GART: variants seen among roughly 807,000 people sequenced by gnomAD.
GART encodes the protein phosphoribosylglycinamide formyltransferase, phosphoribosylglycinamide synthetase, phosphoribosylaminoimidazole synthetase.
Under a neutral mutation model 107.2 loss-of-function variants are expected in GART, and 43 were observed. That is an observed-to-expected ratio of 0.40 (90% confidence interval 0.31 to 0.52). The LOEUF (loss-of-function observed/expected upper bound fraction) is 0.52. Ranked by LOEUF, GART falls within the 20% of genes least tolerant of loss-of-function variation. The pLI is 0.52. For synonymous variants in GART, 434 were observed against 427.0 expected (o/e 1.02, Z -0.20); for missense variants, 1,107 against 1,206.5 (o/e 0.92, Z 1.22).
intron 4 of GART, 127 bp from the exon 5 acceptor site, chr21:33,532,583 C>A: frequency 1.4e-6 from 1 of 701,956 alleles, no homozygotes; most frequent in Non-Finnish European, 2.4e-6. Flanking sequence ...AATTAATTAT[C>A]ATTCCAACAC....
At chr21:33,516,324 A>G (rs2084878978) in intron 16 of GART, among the ~76,000 whole-genome samples, 1 of 151,430 alleles carries the variant, frequency 6.6e-6, no homozygotes, top group East Asian at 1.9e-4. Context: ...TGGTTTACCC[A>G]CTACTTTGGA....
intron 10 of GART, among the ~76,000 whole-genome samples, chr21:33,525,271 C>G (rs572943026): frequency 6.6e-6 from 1 of 152,020 alleles, no homozygotes; most frequent in South Asian, 2.1e-4. Flanking sequence ...GCGGCACACA[C>G]CAGCTGAGGT....
intron 16 of GART, among the ~76,000 whole-genome samples, chr21:33,516,649 T>C (rs2084884849): frequency 6.6e-6 from 1 of 152,224 alleles, no homozygotes; most frequent in Non-Finnish European, 1.5e-5. Flanking sequence ...TAGGTCCTTT[T>C]ATCTCGAATA....
intron 12 of GART, among the ~76,000 whole-genome samples, chr21:33,521,855 A>C (rs1166736434): frequency 6.7e-6 from 1 of 150,092 alleles, no homozygotes; most frequent in Non-Finnish European, 1.5e-5. Flanking sequence ...ATTACTTGGG[A>C]GACTGAGGCA....
At chr21:33,509,950 A>C in intron 17 of GART, 30 bp from the exon 18 acceptor site, 1 of 1,587,144 alleles carries the variant, frequency 6.3e-7, no homozygotes, top group Non-Finnish European at 8.6e-7. Context: ...ATAAATAAGT[A>C]AAGAACAATT....
chr21:33,527,249 T>C (rs950248794), intron 10 of GART, among the ~76,000 whole-genome samples: 5 of 152,180 alleles, frequency 3.3e-5, no homozygotes, highest in African/African-American at 1.2e-4. Context: ...CTGGGCATGG[T>C]GGCTCAGACC....
chr21:33,542,815 A>C (rs181914436), upstream of GART: 3 of 528,564 alleles, frequency 5.7e-6, no homozygotes, highest in Non-Finnish European at 1.0e-5. Flanking sequence ...CTCAAGAGAG[A>C]CGGCTCCTGT....
Position 33,520,499 on chromosome 21 carries a change from C to T in GART, c.1567G>A (p.Asp523Asn). ...GQDLVAMCVN[D>N]ILAQGAEPLF... ...GGCTCTGCTCCTTGTGCCAGAATAT[C>T]ATTAACACACATTGCTACCAAATCT... is the stretch of plus-strand genomic sequence containing the variant. The change falls in exon 14 of 22, where the codon GAT becomes AAT. Residue 523 changes from aspartate (D) to asparagine (N), a missense_variant. Physicochemically the swap from Asp to Asn is conservative, Grantham distance 23. Transcript: ENST00000381815. 6.2e-7 allele frequency: 1 copy of T among 1,614,152 alleles called. No homozygotes were observed. Among genetic ancestry groups the T allele is most frequent in the Non-Finnish European group, 8.5e-7 (1 of 1,180,018 alleles).
Position 33,540,440 on chromosome 21 carries a change from G to C in GART, c.-41-1084C>G, listed in dbSNP as rs543602661. On this transcript the variant is annotated intron_variant, in intron 1 of 21. Coordinates refer to ENST00000381815, the MANE Select transcript of GART (RefSeq NM_000819.5). ...TTCATATTTGGTGAGCTGTACAAAA[G>C]CAGGCAGCAGAAGGATTTGGTATGT... is the stretch of plus-strand genomic sequence containing the variant. 2.0e-5 allele frequency among the ~76,000 whole-genome samples: 3 copies of C among 152,316 alleles called. No individual in the cohort carries two copies. In the South Asian group the frequency reaches 6.2e-4, roughly 32 times the overall value.
intron 7 of GART, 103 bp downstream of exon 7, chr21:33,530,656 G>T: frequency 8.6e-7 from 1 of 1,159,390 alleles, no homozygotes; most frequent in South Asian, 3.3e-5. Context: ...ATAATTCATA[G>T]CAACAAACAA....
At position 33,511,398 on chromosome 21, in the gene GART, G is replaced by C. The variant is rs2084783128; in HGVS notation, c.2168C>G (p.Ser723Cys). The stretch of plus-strand genomic sequence containing the variant: ...AAATGTTCTGGCCATCTCTTCCTCA[G>C]AGAGGTGTCCTTCCTGCTGCAACCA... ...FSWLQQEGHL[S>C]EEEMARTFNC... The change falls in exon 17 of 22, where the codon TCT becomes TGT. Residue 723 changes from serine to cysteine, a missense_variant. Coordinates refer to ENST00000381815, the MANE Select transcript of GART (RefSeq NM_000819.5). 6.2e-7 allele frequency: 1 copy of C among 1,614,002 alleles called. No individual in the cohort carries two copies. The highest frequency in any genetic ancestry group is 1.7e-5 in the Admixed American group (1 of 59,990).
intron 11 of GART, 80 bp from the exon 12 acceptor site, chr21:33,522,362 T>G: frequency 8.9e-7 from 1 of 1,120,664 alleles, no homozygotes; most frequent in Non-Finnish European, 1.3e-6. Context: ...AAGCAGAAGA[T>G]ATCCCAAGTG....
Position 33,517,378 on chromosome 21 carries a change from C to T in GART, c.1933G>A (p.Gly645Ser). ...TTACCTAAAGTCTGGTCACCACAAC[C>T]ATCAGGTGCTGGAGAGGAGTACTGG... Reference protein sequence around the residue: ...SLQYSSPAPDGCGDQTLGDLL... With the variant: ...SLQYSSPAPDSCGDQTLGDLL... Residue 645 changes from glycine to serine, a missense_variant, in exon 15 of 22, where the codon GGT becomes AGT. Gly to Ser is a moderately conservative substitution (Grantham distance 56). Transcript: ENST00000381815. The T allele has an allele frequency of 6.2e-7, 1 of 1,614,120 alleles. No individual in the cohort carries two copies. The highest frequency in any genetic ancestry group is 1.1e-5 in the South Asian group (1 of 91,086).
intron 11 of GART, chr21:33,524,281 G>A (rs1240954031): frequency 1.5e-5 from 15 of 985,474 alleles, no homozygotes; most frequent in East Asian, 1.1e-4. Context: ...CAAGTGCAGC[G>A]GCTCATGCCT....
At position 33,539,594 on chromosome 21, in the gene GART, A is replaced by G. The variant is rs531678120; in HGVS notation, c.-41-238T>C. On this transcript the variant is annotated intron_variant, in intron 1 of 21. Transcript: ENST00000381815. ...TGTAATCCCAGGTACTCAGGAGGCC[A>G]AGGCAGGAGAATTGCTTGAACCTGG... Among the ~76,000 whole-genome samples, 19 of 150,068 alleles carry G rather than the reference A, an allele frequency of 1.3e-4. No homozygotes were observed. The East Asian group carries it at 3.7e-3, about 29-fold the overall frequency.
intron 7 of GART, among the ~76,000 whole-genome samples, chr21:33,529,932 C>T (rs1369627105): frequency 1.3e-5 from 2 of 151,922 alleles, no homozygotes; most frequent in East Asian, 1.9e-4. Flanking sequence ...TGGTAGCTCA[C>T]GCCTGTAATC....
At position 33,504,344 on chromosome 21, in the gene GART, T is replaced by C. The variant is rs533985827; in HGVS notation, c.2842-29A>G. 13 of 1,612,136 alleles carry C rather than the reference T, an allele frequency of 8.1e-6. No homozygotes were observed. In the South Asian group the frequency reaches 1.1e-4, roughly 14 times the overall value. On this transcript the variant is annotated intron_variant, in intron 21 of 21. Coordinates refer to ENST00000381815, the MANE Select transcript of GART (RefSeq NM_000819.5). ...GAAAAGTAAGCAAAAGTTTTGAACA[T>C]TACCTTCTAGCCAGTGTCATTTACA...
intron 16 of GART, among the ~76,000 whole-genome samples, chr21:33,514,407 A>C (rs982465369): frequency 1.3e-5 from 2 of 152,208 alleles, no homozygotes; most frequent in Non-Finnish European, 2.9e-5. Context: ...TGTGTAACTC[A>C]AACTATAACT....
At chr21:33,526,330 T>C (rs1264774232) in intron 10 of GART, among the ~76,000 whole-genome samples, 5 of 151,640 alleles carry the variant, frequency 3.3e-5, no homozygotes, top group Non-Finnish European at 4.4e-5. Context: ...ACCACCACAT[T>C]TGGCTAATTG....
Sources: allele counts gnomAD v4.1 joint callset (sites outside exome capture counted in the v4.1 genomes callset), GRCh38; gene constraint gnomAD v4.1.1; transcripts MANE v1.5; gene names NCBI Gene and HGNC (gene_info 2026-07-23, HGNC 2026-07-21).